The following PPP1R12C variants were observed in gnomAD, a reference collection of about 807,000 sequenced individuals.
PPP1R12C encodes leukocyte receptor cluster (LRC) encoded novel gene 3.
PPP1R12C carries 48 observed loss-of-function variants against 95.6 expected under a neutral mutation model. The observed-to-expected ratio is 0.50, with a 90% CI of 0.40 to 0.64. The LOEUF (loss-of-function observed/expected upper bound fraction) is 0.64. PPP1R12C is among the 30% of genes least tolerant of loss of function. PPP1R12C has a pLI of 0.00. For missense variants in PPP1R12C, 1,057 were observed against 1,083.3 expected (o/e 0.98, Z 0.34); for synonymous variants, 480 against 460.8 (o/e 1.04, Z -0.53).
chr19:55,112,870 G>C, intron 1 of PPP1R12C, 75 bp from the exon 2 acceptor site: 1 of 1,585,632 alleles, frequency 6.3e-7, no homozygotes, highest in Non-Finnish European at 8.6e-7. Flanking sequence ...TCCAGAGGGA[G>C]CCACGAAAAC....
intron 6 of PPP1R12C, among the ~76,000 whole-genome samples, chr19:55,097,823 G>C (rs2084939253): frequency 6.6e-6 from 1 of 152,014 alleles, no homozygotes; most frequent in Non-Finnish European, 1.5e-5. Context: ...CCATATCTGG[G>C]CCCCCTGAGC....
chr19:55,099,355 AG>A (rs951709319), intron 4 of PPP1R12C, among the ~76,000 whole-genome samples: 1 of 152,196 alleles, frequency 6.6e-6, no homozygotes, highest in African/African-American at 2.4e-5. Context: ...TGGTGCTGGC[AG>A]GGGGTCACCC....
chr19:55,109,007 A>G lies in PPP1R12C; in HGVS notation c.571+3460T>C, dbSNP rs1223089369. 6.6e-6 allele frequency among the ~76,000 whole-genome samples: 1 copy of G among 152,092 alleles called. No homozygotes were observed. The highest frequency in any genetic ancestry group is 6.5e-5 in the Admixed American group (1 of 15,274). The stretch of plus-strand genomic sequence containing the variant: ...GACTGAATCATGTCCCACCGCATGG[A>G]TGGGCCACATGTTGATTTTCCATTC... On this transcript the variant is annotated intron_variant, in intron 3 of 21. Coordinates refer to ENST00000263433, the MANE Select transcript of PPP1R12C (RefSeq NM_017607.4). The surrounding 1 kb of genome is among the most constrained non-coding windows in gnomAD (Gnocchi z 4.4).
intron 18 of PPP1R12C, 24 bp from the exon 19 acceptor site, chr19:55,092,350 C>A (rs1453109873): frequency 1.3e-6 from 2 of 1,578,262 alleles, no homozygotes; most frequent in Non-Finnish European, 1.7e-6. Flanking sequence ...AGAGGAGGGT[C>A]AGGTGGAGGA....
chr19:55,109,809 G>T lies in PPP1R12C; in HGVS notation c.571+2658C>A, dbSNP rs190432917. ...AGCTGGGGTGCAGCCTGTGATCCAG[G>T]TCCTGCGCACTGCAGCCCCTCTGAG... On this transcript the variant is annotated intron_variant, in intron 3 of 21. Coordinates refer to ENST00000263433, the MANE Select transcript of PPP1R12C (RefSeq NM_017607.4). This position sits in a 1 kb window ranked among gnomAD's most constrained non-coding sequence, Gnocchi z 4.4. 4.0e-3 allele frequency among the ~76,000 whole-genome samples: 607 copies of T among 152,304 alleles called. 10 individuals are homozygous for T. The highest frequency in any genetic ancestry group is 0.014 in the African/African-American group (583 of 41,560).
chr19:55,108,306 C>T (rs1045652136), intron 3 of PPP1R12C, among the ~76,000 whole-genome samples: 1 of 151,984 alleles, frequency 6.6e-6, no homozygotes, highest in African/African-American at 2.4e-5. Context: ...AACCAATCTC[C>T]AGAATTTTTT....
intron 3 of PPP1R12C, among the ~76,000 whole-genome samples, chr19:55,107,388 T>C (rs2085049745): frequency 6.6e-6 from 1 of 152,104 alleles, no homozygotes; most frequent in Non-Finnish European, 1.5e-5. Context: ...CACTCCAGCC[T>C]GGGCAACAAG....
At chr19:55,096,526 C>G (rs1183766288) in intron 6 of PPP1R12C, among the ~76,000 whole-genome samples, 191 bp from the exon 7 acceptor site, 1 of 152,084 alleles carries the variant, frequency 6.6e-6, no homozygotes, top group African/African-American at 2.4e-5. Context: ...GCGCCCGCAG[C>G]TGCCACGTGC....
chr19:55,112,928 C>A (rs2085114237), intron 1 of PPP1R12C, 133 bp from the exon 2 acceptor site: 5 of 1,282,126 alleles, frequency 3.9e-6, no homozygotes, highest in South Asian at 1.3e-5. Flanking sequence ...GACCCAACAG[C>A]CTCTGGCCAC....
At position 55,112,811 on chromosome 19, in the gene PPP1R12C, A is replaced by G. The variant is rs1359692667; in HGVS notation, c.322-16T>C. 1.9e-6 allele frequency: 3 copies of G among 1,610,444 alleles called. No homozygotes were observed. In the East Asian group the frequency reaches 6.7e-5, roughly 36 times the overall value. On this transcript the variant is annotated splice_polypyrimidine_tract_variant and intron_variant, in intron 1 of 21. Transcript: ENST00000263433. The stretch of plus-strand genomic sequence containing the variant: ...CAATGCAGGCCTGGGGGTGGGAAAC[A>G]GCCGTCAGCCGCACCTACCCCAGCC...
chr19:55,102,293 T>C (rs1046892497), intron 4 of PPP1R12C, among the ~76,000 whole-genome samples: 3 of 152,284 alleles, frequency 2.0e-5, no homozygotes, highest in East Asian at 1.9e-4. Context: ...GCAGGGAGAT[T>C]ACCTGAGGTC....
intron 3 of PPP1R12C, among the ~76,000 whole-genome samples, chr19:55,110,073 C>A (rs1441103383): frequency 6.6e-6 from 1 of 152,166 alleles, no homozygotes; most frequent in Non-Finnish European, 1.5e-5. Flanking sequence ...AAGTTATGAG[C>A]AATTTCTGCA....
In PPP1R12C at chr19:55,092,623, T is replaced by C; in HGVS notation, c.1951A>G (p.Ser651Gly). The change falls in exon 17 of 22, where the codon AGC becomes GGC. Residue 651 changes from serine (S) to glycine (G), a missense_variant and splice_region_variant. This residue lies in a region of PPP1R12C where 347 missense variants were observed against 307.9 expected (regional missense o/e 1.13). Coordinates refer to ENST00000263433, the MANE Select transcript of PPP1R12C (RefSeq NM_017607.4). ...CCACCTCTCCCACCCCGCCCCTACC[T>C]GGACTCCTGGCTGCGGTCAGCCGGC... Reference protein sequence around the residue: ...AEPADRSQESSTLEGGPSARR... With the variant: ...AEPADRSQESGTLEGGPSARR... 1 of 1,384,008 alleles carries C rather than the reference T, an allele frequency of 7.2e-7. No individual in the cohort carries two copies. The highest frequency in any genetic ancestry group is 9.7e-7 in the Non-Finnish European group (1 of 1,035,426). The allele number at this position is 1,384,008 out of a possible 1,614,324, so 85.7% of individuals were successfully genotyped here.
chr19:55,115,272 G>C (rs1568822865), intron 1 of PPP1R12C: 3 of 152,218 alleles, frequency 2.0e-5, no homozygotes, highest in Non-Finnish European at 4.4e-5. Flanking sequence ...GACGGGGCTG[G>C]CTACTGGCCT....
chr19:55,098,757 G>A lies in PPP1R12C; in HGVS notation c.951+27C>T, dbSNP rs774863309. The A allele has an allele frequency of 4.3e-6, 7 of 1,612,750 alleles. No individual in the cohort carries two copies. In the East Asian group the frequency reaches 1.3e-4, roughly 31 times the overall value. On this transcript the variant is annotated intron_variant, in intron 6 of 21. Transcript: ENST00000263433. Reference sequence around the variant, plus strand: ...AGCTGAGGGGACATGGGGAGTCTGGGGTAAGCCCCTCAGCCCTGACACTCA... The same window carrying A: ...AGCTGAGGGGACATGGGGAGTCTGGAGTAAGCCCCTCAGCCCTGACACTCA...
intron 3 of PPP1R12C, among the ~76,000 whole-genome samples, chr19:55,107,601 C>G (rs982693459): frequency 6.7e-6 from 1 of 149,628 alleles, no homozygotes; most frequent in Non-Finnish European, 1.5e-5. Context: ...ATCGCAAGGA[C>G]AGAAAACCAA....
Position 55,103,393 on chromosome 19 carries a change from G to C in PPP1R12C, c.731+16C>G. 6.8e-7 allele frequency: 1 copy of C among 1,467,262 alleles called. No individual in the cohort carries two copies. Among genetic ancestry groups the C allele is most frequent in the East Asian group, 2.5e-5 (1 of 39,592 alleles). 90.9% of individuals were successfully genotyped at this position (1,467,262 alleles called of 1,614,324 possible). A position where few individuals can be genotyped will look rare whatever the true frequency, so the allele number is the denominator to read the frequency against. ...AGGTATAAGACAGCAAGATGGAACAGACTGGCCCAACTCACCTCATCACCT... is the reference window on the plus strand; with the variant it reads ...AGGTATAAGACAGCAAGATGGAACACACTGGCCCAACTCACCTCATCACCT... On this transcript the variant is annotated intron_variant, in intron 4 of 21. Transcript: ENST00000263433.
At chr19:55,107,818 TG>T in intron 3 of PPP1R12C, among the ~76,000 whole-genome samples, 1 of 151,380 alleles carries the variant, frequency 6.6e-6, no homozygotes, top group Admixed American at 6.6e-5. Flanking sequence ...GTTGTACACA[TG>T]TACCATAGAA....
rs1474080205 is a variant in PPP1R12C, at chr19:55,117,500, G to A, written c.44C>T (p.Ala15Val). The change falls in exon 1 of 22, where the codon GCG becomes GTG. Residue 15 changes from alanine (A) to valine (V), a missense_variant. Physicochemically the swap from Ala to Val is moderately conservative, Grantham distance 64 (BLOSUM62 0). This residue lies in a region of PPP1R12C where 70 missense variants were observed against 47.8 expected (regional missense o/e 1.46). Coordinates refer to ENST00000263433, the MANE Select transcript of PPP1R12C (RefSeq NM_017607.4). The part of the protein sequence containing the change: ...DGPAAGPGAA[A>V]AAARERRREQ... ...CCGTCGCCGCTCCCGGGCAGCCGCC[G>A]CCGCCGCCCCCGGGCCAGCCGCCGG... The A allele has an allele frequency of 2.9e-6, 3 of 1,024,990 alleles. No individual in the cohort carries two copies. The highest frequency in any genetic ancestry group is 3.5e-6 in the Non-Finnish European group (3 of 856,552). 63.5% of individuals were successfully genotyped at this position (1,024,990 alleles called of 1,614,324 possible). A position where few individuals can be genotyped will look rare whatever the true frequency, so the allele number is the denominator to read the frequency against.
Sources: allele counts gnomAD v4.1 joint callset (sites outside exome capture counted in the v4.1 genomes callset), GRCh38; gene constraint gnomAD v4.1.1; regional missense constraint gnomAD v4.1.1; non-coding constraint Gnocchi (gnomAD v3.1); transcripts MANE v1.5; gene names NCBI Gene and HGNC (gene_info 2026-07-23, HGNC 2026-07-21).